Variants in PATE2 observed in about 807,000 individuals in gnomAD.
PATE2 encodes prostate and testis expressed 2.
A neutral mutation model predicts 10.5 loss-of-function variants in PATE2; 7 were observed. The observed-to-expected ratio is 0.66, with a 90% CI of 0.38 to 1.25. PATE2 has a LOEUF of 1.25. Among genes scored for constraint, PATE2 ranks in the 50% most tolerant of loss-of-function variants. PATE2 has a pLI of 0.02. For missense variants in PATE2, 133 were observed against 135.4 expected (o/e 0.98, Z 0.09); for synonymous variants, 44 against 46.9 (o/e 0.94, Z 0.25).
chr11:125,777,481 C>A lies in PATE2; in HGVS notation c.243G>T (p.Met81Ile), dbSNP rs1943497064. ...GGAAGTTGATGTCCTCACAGCTGGT[C>A]ATACACGACAGTTTTGAATAATGAT... ...SMYHYSKLSC[M>I]TSCEDINFLG... Residue 81 changes from methionine (M) to isoleucine (I), a missense_variant, in exon 4 of 4, where the codon ATG (methionine) becomes ATT (isoleucine). Transcript: ENST00000358524. 6.2e-7 allele frequency: 1 copy of A among 1,613,712 alleles called. No homozygotes were observed. The highest frequency in any genetic ancestry group is 1.1e-5 in the South Asian group (1 of 91,050).
chr11:125,777,755 C>T, intron 3 of PATE2, 119 bp downstream of exon 3: 1 of 1,347,584 alleles, frequency 7.4e-7, no homozygotes, highest in Middle Eastern at 2.3e-4. Context: ...TTGCCATCCC[C>T]TCAAGACCAC....
At chr11:125,777,834 G>T in intron 3 of PATE2, 40 bp downstream of exon 3, 1 of 1,603,598 alleles carries the variant, frequency 6.2e-7, no homozygotes, top group East Asian at 2.2e-5. Context: ...TCTCAGGGAT[G>T]GTGGTGGTGA....
At chr11:125,778,030 A>T in intron 2 of PATE2, 28 bp from the exon 3 acceptor site, 1 of 1,608,800 alleles carries the variant, frequency 6.2e-7, no homozygotes, top group South Asian at 1.1e-5. Context: ...AGGTGCTTAG[A>T]GGATGCAGTC....
intron 3 of PATE2, 106 bp downstream of exon 3, chr11:125,777,768 C>T (rs1943499865): frequency 7.1e-7 from 1 of 1,400,084 alleles, no homozygotes; most frequent in Non-Finnish European, 9.7e-7. Context: ...AAGACCACCC[C>T]ATACTCACCC....
chr11:125,778,649 A>T lies in PATE2; in HGVS notation c.52+73T>A. The T allele has an allele frequency of 1.9e-6, 3 of 1,612,318 alleles. No homozygotes were observed. The South Asian group carries it at 3.3e-5, about 18-fold the overall frequency. Reference sequence around the variant, plus strand: ...CCACTGCCCCAAGAGCCAATTTTGAAAACTTTCTCTTCCCCCAGCATCTGT... The same window carrying T: ...CCACTGCCCCAAGAGCCAATTTTGATAACTTTCTCTTCCCCCAGCATCTGT... On this transcript the variant is annotated intron_variant, in intron 1 of 3. Transcript: ENST00000358524.
In PATE2 at chr11:125,777,314, C is replaced by A. The variant is rs1943493939; in HGVS notation, c.*68G>T. Reference sequence around the variant, plus strand: ...ATGCATAGAAGAGGAGAGCAAAATTCAGGTTCAGGGAAGAGAAAAAGAGCG... The same window carrying A: ...ATGCATAGAAGAGGAGAGCAAAATTAAGGTTCAGGGAAGAGAAAAAGAGCG... On this transcript the variant is annotated 3_prime_UTR_variant, in exon 4 of 4. Coordinates refer to ENST00000358524, the MANE Select transcript of PATE2 (RefSeq NM_212555.3). The A allele has an allele frequency of 4.5e-6, 7 of 1,552,878 alleles. No individual in the cohort carries two copies. The Admixed American group carries it at 1.2e-4, about 27-fold the overall frequency.
At position 125,776,857 on chromosome 11, in the gene PATE2, C is replaced by T. The variant is rs565229775; in HGVS notation, c.*525G>A. The stretch of plus-strand genomic sequence containing the variant: ...TTTTTTTTCTGCCCTGAGGTTCCCC[C>T]AAGAGCTCTATCAGAGAAAGACTTG... On this transcript the variant is annotated 3_prime_UTR_variant, in exon 4 of 4. Transcript: ENST00000358524. 9.2e-5 allele frequency: 14 copies of T among 152,286 alleles called. No homozygotes were observed. The highest frequency in any genetic ancestry group is 3.4e-4 in the African/African-American group (14 of 41,462). 9.4% of individuals were successfully genotyped at this position (152,286 alleles called of 1,614,324 possible).
Position 125,777,406 on chromosome 11 carries a change from G to GTAGTTAC in PATE2, c.311_317dup (p.Tyr106Ter). 1 of 1,613,658 alleles carries GTAGTTAC rather than the reference G, an allele frequency of 6.2e-7. No individual in the cohort carries two copies. Among genetic ancestry groups the GTAGTTAC allele is most frequent in the South Asian group, 1.1e-5 (1 of 91,058 alleles). On this transcript the variant is annotated stop_gained and frameshift_variant, in exon 4 of 4. Coordinates refer to ENST00000358524, the MANE Select transcript of PATE2 (RefSeq NM_212555.3). LOFTEE classifies it high-confidence loss of function. ...ACTAAACTCCCTCAGGGAGGTTGCA[G>GTAGTTAC]TAGTTACTATGATCACAACAGATGA...
At chr11:125,778,615 A>C (rs1407352724) in intron 1 of PATE2, 40 bp from the exon 2 acceptor site, 2 of 1,611,796 alleles carry the variant, frequency 1.2e-6, no homozygotes, top group Non-Finnish European at 1.7e-6. Context: ...ACAGTCTCAC[A>C]TACATCTGCC....
Position 125,777,910 on chromosome 11 carries a change from A to G in PATE2, c.169T>C (p.Cys57Arg). 6.2e-7 allele frequency: 1 copy of G among 1,613,508 alleles called. No homozygotes were observed. The highest frequency in any genetic ancestry group is 2.2e-5 in the East Asian group (1 of 44,860). ...AGGATGTAAAAGTTCTCAACTGCACAGGACTGTTTATGCTTCAGGGAGCAG... is the reference window on the plus strand; with the variant it reads ...AGGATGTAAAAGTTCTCAACTGCACGGGACTGTTTATGCTTCAGGGAGCAG... ...TSCSLKHKQSCAVENFYILTR... is the reference protein window; with the variant it reads ...TSCSLKHKQSRAVENFYILTR... The change falls in exon 3 of 4, where the codon TGT becomes CGT. Residue 57 changes from cysteine to arginine, a missense_variant. Transcript: ENST00000358524.
Position 125,777,420 on chromosome 11 carries a change from C to G in PATE2, c.304G>C (p.Asp102His). The change falls in exon 4 of 4, where the codon GAT becomes CAT. Residue 102 changes from aspartate to histidine, a missense_variant. Physicochemically the swap from Asp to His is moderately conservative, Grantham distance 81. Coordinates refer to ENST00000358524, the MANE Select transcript of PATE2 (RefSeq NM_212555.3). ...GGGAGGTTGCAGTAGTTACTATGAT[C>G]ACAACAGATGAGCTCTACCCTCTTC... The part of the protein sequence containing the change: ...FTKRVELICC[D>H]HSNYCNLPEG... The G allele has an allele frequency of 6.2e-7, 1 of 1,613,732 alleles. No individual in the cohort carries two copies. The highest frequency in any genetic ancestry group is 8.5e-7 in the Non-Finnish European group (1 of 1,179,792).
chr11:125,777,445 C>T lies in PATE2; in HGVS notation c.279G>A (p.Thr93=), dbSNP rs747231546. ...SCEDINFLGF[T]KRVELICCDH... is the part of the protein sequence containing the mutation. ...CACAACAGATGAGCTCTACCCTCTT[C>T]GTGAACCCCAGGAAGTTGATGTCCT... Residue 93 remains threonine, a synonymous_variant, in exon 4 of 4, where the codon ACG becomes ACA. Transcript: ENST00000358524. 26 of 1,613,580 alleles carry T rather than the reference C, an allele frequency of 1.6e-5. No individual in the cohort carries two copies. The highest frequency in any genetic ancestry group is 5.5e-5 in the South Asian group (5 of 91,062).
At chr11:125,778,655 T>C (rs957291666) in intron 1 of PATE2, 67 bp downstream of exon 1, 6 of 1,612,112 alleles carry the variant, frequency 3.7e-6, no homozygotes, top group African/African-American at 2.7e-5. Flanking sequence ...TTGAAAACTT[T>C]CTCTTCCCCC....
In PATE2 at chr11:125,777,466, G is replaced by C. The variant is rs762466790; in HGVS notation, c.258C>G (p.Asp86Glu). The C allele has an allele frequency of 6.2e-7, 1 of 1,613,742 alleles. No individual in the cohort carries two copies. The highest frequency in any genetic ancestry group is 8.5e-7 in the Non-Finnish European group (1 of 1,179,788). The change falls in exon 4 of 4, where the codon GAC (aspartate) becomes GAG (glutamate). Residue 86 changes from aspartate to glutamate, a missense_variant. Transcript: ENST00000358524. ...TCTTCGTGAACCCCAGGAAGTTGATGTCCTCACAGCTGGTCATACACGACA... is the reference window on the plus strand; with the variant it reads ...TCTTCGTGAACCCCAGGAAGTTGATCTCCTCACAGCTGGTCATACACGACA... ...SKLSCMTSCE[D>E]INFLGFTKRV... is the part of the protein sequence containing the mutation.
chr11:125,778,824 C>A lies in PATE2; in HGVS notation c.-51G>T. On this transcript the variant is annotated 5_prime_UTR_variant, in exon 1 of 4. Transcript: ENST00000358524. ...TCCTGTGGAAGGAGCAAGTTGTTCT[C>A]TTGTGATCTGTCCTTGGGCTAGTCA... The A allele has an allele frequency of 6.3e-7, 1 of 1,593,962 alleles. No homozygotes were observed. Among genetic ancestry groups the A allele is most frequent in the South Asian group, 1.1e-5 (1 of 90,254 alleles).
chr11:125,778,474 A>G, intron 2 of PATE2, 78 bp downstream of exon 2: 1 of 1,470,074 alleles, frequency 6.8e-7, no homozygotes, highest in Non-Finnish European at 9.5e-7. Context: ...GCCTCTCTGA[A>G]GATGAAGGAA....
chr11:125,777,151 C>A lies in PATE2; in HGVS notation c.*231G>T, dbSNP rs545541938. The A allele has an allele frequency of 2.1e-6, 1 of 472,184 alleles. No individual in the cohort carries two copies. Among genetic ancestry groups the A allele is most frequent in the Non-Finnish European group, 3.8e-6 (1 of 264,376 alleles). 29.2% of individuals were successfully genotyped at this position (472,184 alleles called of 1,614,324 possible). A position where few individuals can be genotyped will look rare whatever the true frequency, so the allele number is the denominator to read the frequency against. On this transcript the variant is annotated 3_prime_UTR_variant, in exon 4 of 4. Coordinates refer to ENST00000358524, the MANE Select transcript of PATE2 (RefSeq NM_212555.3). ...GCAGTATCACGTAAGGAGAGCAAAACCCCTCCCACCTGTTAGCGACAGGGA... is the reference window on the plus strand; with the variant it reads ...GCAGTATCACGTAAGGAGAGCAAAAACCCTCCCACCTGTTAGCGACAGGGA...
intron 3 of PATE2, 127 bp from the exon 4 acceptor site, chr11:125,777,645 G>T: frequency 7.8e-7 from 1 of 1,283,936 alleles, no homozygotes; most frequent in Non-Finnish European, 1.1e-6. Context: ...CCAAAGCTGA[G>T]TCTGTTAATT....
In PATE2 at chr11:125,778,675, C is replaced by A. The variant is rs371400763; in HGVS notation, c.52+47G>T. On this transcript the variant is annotated intron_variant, in intron 1 of 3. Transcript: ENST00000358524. ...AACTTTCTCTTCCCCCAGCATCTGT[C>A]CGTCTCTTAACCAACCACCAGCTTC... 6.8e-6 allele frequency: 11 copies of A among 1,612,924 alleles called. No homozygotes were observed. In the African/African-American group the frequency reaches 1.2e-4, roughly 18 times the overall value.
Sources: allele counts gnomAD v4.1 joint callset, GRCh38; gene constraint gnomAD v4.1.1; transcripts MANE v1.5; gene names NCBI Gene and HGNC (gene_info 2026-07-23, HGNC 2026-07-21).